The following NCAM1 variants were observed in gnomAD, a reference collection of about 807,000 sequenced individuals.
The protein encoded by NCAM1 is neural cell adhesion molecule 1.
In NCAM1, 14 loss-of-function variants were observed where a neutral mutation model predicts 109.8. That is an observed-to-expected ratio of 0.13 (90% CI 0.08 to 0.20). The LOEUF (loss-of-function observed/expected upper bound fraction) is 0.20. Ranked by LOEUF, NCAM1 falls within the 10% of genes least tolerant of loss-of-function variation. The pLI is 1.00. For synonymous variants in NCAM1, 418 were observed against 442.9 expected (o/e 0.94, Z 0.70); for missense variants, 774 against 1,109.9 (o/e 0.70, Z 4.30).
intron 1 of NCAM1, among the ~76,000 whole-genome samples, chr11:112,964,027 C>T (rs781795965): frequency 4.0e-5 from 6 of 150,756 alleles, no homozygotes; most frequent in Middle Eastern, 3.4e-3. Flanking sequence ...GTCTTTTGTA[C>T]CATAGTTTTT....
rs782311774 is a variant in NCAM1, at chr11:112,961,555, G to C, written c.-58G>C. ...TCAGCCGCCGTCCACACTCGCTGCA[G>C]GGGGGGGGGCACAGAATTTACCGCG... On this transcript the variant is annotated 5_prime_UTR_variant, in exon 1 of 20. Coordinates refer to ENST00000316851, the MANE Select transcript of NCAM1 (RefSeq NM_181351.5). The C allele has an allele frequency of 2.8e-6, 2 of 712,206 alleles. No homozygotes were observed. The highest frequency in any genetic ancestry group is 3.6e-5 in the East Asian group (1 of 27,986). The allele number at this position is 712,206 out of a possible 1,614,324, so 44.1% of individuals were successfully genotyped here. A position where few individuals can be genotyped will look rare whatever the true frequency, so the allele number is the denominator to read the frequency against.
At chr11:113,019,854 G>C (rs957419814) in intron 1 of NCAM1, among the ~76,000 whole-genome samples, 2 of 152,126 alleles carry the variant, frequency 1.3e-5, no homozygotes, top group African/African-American at 2.4e-5. Context: ...TGATCTCTGT[G>C]AAAGCAGAAG....
intron 9 of NCAM1, chr11:113,231,420 A>C: frequency 9.7e-7 from 1 of 1,028,604 alleles, no homozygotes; most frequent in Non-Finnish European, 1.4e-6. Flanking sequence ...ACTGAGTCTC[A>C]TTTTCTGTTT....
intron 1 of NCAM1, among the ~76,000 whole-genome samples, chr11:113,138,113 G>C (rs1383599323): frequency 2.0e-5 from 3 of 152,194 alleles, no homozygotes; most frequent in African/African-American, 4.8e-5. Flanking sequence ...GAAAGCCACT[G>C]TTGTTAGGCT....
intron 1 of NCAM1, among the ~76,000 whole-genome samples, chr11:113,194,694 T>C (rs1943802352): frequency 6.6e-6 from 1 of 152,220 alleles, no homozygotes; most frequent in African/African-American, 2.4e-5. Flanking sequence ...TCTCAAATTC[T>C]GCTTTCACGC....
At chr11:113,024,903 A>C (rs1374423062) in intron 1 of NCAM1, among the ~76,000 whole-genome samples, 3 of 152,354 alleles carry the variant, frequency 2.0e-5, no homozygotes, top group African/African-American at 7.2e-5. Context: ...AAAAACCTTA[A>C]GCAATTGCTT....
intron 8 of NCAM1, among the ~76,000 whole-genome samples, chr11:113,216,759 AG>A (rs782702258): frequency 2.0e-5 from 3 of 152,214 alleles, no homozygotes; most frequent in Non-Finnish European, 2.9e-5. Context: ...TATTTGCCTA[AG>A]TGAAACCCTA....
At position 113,194,662 on chromosome 11, in the gene NCAM1, T is replaced by A. The variant is rs577484882; in HGVS notation, c.53-7717T>A. 2.4e-3 allele frequency among the ~76,000 whole-genome samples: 368 copies of A among 152,144 alleles called. 3 individuals are homozygous for A. Among genetic ancestry groups the A allele is most frequent in the African/African-American group, 8.6e-3 (355 of 41,502 alleles). On this transcript the variant is annotated intron_variant, in intron 1 of 19. Transcript: ENST00000316851. The stretch of plus-strand genomic sequence containing the variant: ...CATAAAAAAATGAACCTACCAAGAG[T>A]CATCTTTCCCTCCGCCTTTTGTCTC...
intron 8 of NCAM1, among the ~76,000 whole-genome samples, chr11:113,219,865 C>T (rs45477191): frequency 0.011 from 1,672 of 152,296 alleles, 18 homozygotes; most frequent in Non-Finnish European, 0.018. Context: ...GTTGGCCCAC[C>T]GTTACTTTGG....
intron 17 of NCAM1, chr11:113,263,108 T>C (rs1326092741): frequency 7.5e-7 from 1 of 1,326,160 alleles, no homozygotes; most frequent in Admixed American, 3.3e-5. Flanking sequence ...CACTCACAGA[T>C]ACTTTTGTGC....
chr11:113,221,507 G>A, intron 9 of NCAM1, 182 bp downstream of exon 9: 1 of 565,216 alleles, frequency 1.8e-6, no homozygotes, highest in Non-Finnish European at 3.1e-6. Context: ...AGCTGTGTTG[G>A]GAGTGGATGA....
chr11:113,102,089 T>C (rs574785484), intron 1 of NCAM1, among the ~76,000 whole-genome samples: 1 of 152,364 alleles, frequency 6.6e-6, no homozygotes, highest in East Asian at 1.9e-4. Flanking sequence ...AAACTCATTA[T>C]TTGTTCAGAA....
chr11:112,984,954 T>G (rs1432349184), intron 1 of NCAM1, among the ~76,000 whole-genome samples: 4 of 151,922 alleles, frequency 2.6e-5, no homozygotes, highest in African/African-American at 9.7e-5. Flanking sequence ...ATCCTATTTT[T>G]TTTTTAATCA....
At chr11:113,001,615 C>G (rs982100466) in intron 1 of NCAM1, among the ~76,000 whole-genome samples, 1 of 152,072 alleles carries the variant, frequency 6.6e-6, no homozygotes, top group Non-Finnish European at 1.5e-5. Context: ...ACTCTGTTGT[C>G]CCTGTTTGTT....
chr11:113,055,036 GC>G (rs1953644391), intron 1 of NCAM1, among the ~76,000 whole-genome samples: 1 of 152,164 alleles, frequency 6.6e-6, no homozygotes, highest in East Asian at 1.9e-4. Context: ...ACATGATACA[GC>G]CCACAGGAAC....
At chr11:113,252,172 G>A (rs1006185098) in intron 15 of NCAM1, among the ~76,000 whole-genome samples, 1 of 152,136 alleles carries the variant, frequency 6.6e-6, no homozygotes, top group Admixed American at 6.5e-5. Context: ...CCAGTACTTT[G>A]GGAGGCCAAG....
rs1322867564 is a variant in NCAM1 at position 113,233,617 on chromosome 11, G to A, written c.1693+300G>A. On this transcript the variant is annotated intron_variant, in intron 13 of 19. Coordinates refer to ENST00000316851, the MANE Select transcript of NCAM1 (RefSeq NM_181351.5). The surrounding 1 kb of genome is among the most constrained non-coding windows in gnomAD (Gnocchi z 4.5). ...GATGAGTCCAGCCCATAGGTTCTGA[G>A]CATGGCCAGATGAGTCTAATCCATC... 1.3e-5 allele frequency among the ~76,000 whole-genome samples: 2 copies of A among 152,208 alleles called. No homozygotes were observed. Among genetic ancestry groups the A allele is most frequent in the African/African-American group, 4.8e-5 (2 of 41,454 alleles).
chr11:112,974,290 T>C (rs1950952083), intron 1 of NCAM1, among the ~76,000 whole-genome samples: 1 of 152,080 alleles, frequency 6.6e-6, no homozygotes, highest in African/African-American at 2.4e-5. Context: ...TTTGTCTGAA[T>C]TCCTCTTTAT....
At chr11:113,226,997 A>G (rs1944871554) in intron 9 of NCAM1, among the ~76,000 whole-genome samples, 1 of 152,212 alleles carries the variant, frequency 6.6e-6, no homozygotes, top group Admixed American at 6.5e-5. Flanking sequence ...TAAAATTGAC[A>G]CCCTAACACC....
Sources: gnomAD v4.1 joint callset for allele counts (sites outside exome capture counted in the v4.1 genomes callset) on GRCh38, gnomAD v4.1.1 for gene constraint, Gnocchi (gnomAD v3.1) non-coding constraint, MANE v1.5 for transcripts, NCBI Gene and HGNC (gene_info 2026-07-23, HGNC 2026-07-21) for gene names.